The following GRAMD2A variants were observed in gnomAD, a reference collection of about 807,000 sequenced individuals.
GRAMD2A encodes the protein GRAM domain containing 2A.
GRAMD2A carries 37 observed loss-of-function variants against 51.1 expected under a neutral mutation model. That is an observed-to-expected ratio of 0.72 (90% CI 0.56 to 0.95). The LOEUF is 0.95. Ranked by LOEUF, GRAMD2A falls within the 40% of genes least tolerant of loss-of-function variation. GRAMD2A has a pLI of 0.00. For synonymous variants in GRAMD2A, 136 were observed against 157.1 expected (o/e 0.87, Z 1.01); for missense variants, 414 against 426.9 (o/e 0.97, Z 0.27).
intron 1 of GRAMD2A, among the ~76,000 whole-genome samples, chr15:72,177,172 TAA>T (rs34392305): frequency 6.9e-5 from 10 of 145,130 alleles, no homozygotes; most frequent in African/African-American, 1.3e-4. Context: ...TGCAGTCCTT[TAA>T]AAAAAAAAAA....
chr15:72,175,107 G>C (rs1036845766), intron 1 of GRAMD2A, among the ~76,000 whole-genome samples: 32 of 151,986 alleles, frequency 2.1e-4, no homozygotes, highest in African/African-American at 6.8e-4. Context: ...TCTCCCCACA[G>C]TTACCCAGGC....
At chr15:72,182,282 T>C (rs2081701937) in intron 1 of GRAMD2A, among the ~76,000 whole-genome samples, 1 of 151,268 alleles carries the variant, frequency 6.6e-6, no homozygotes, top group South Asian at 2.1e-4. Context: ...AGAGAATTGT[T>C]TGAGCCCGGG....
In GRAMD2A at chr15:72,160,185, A is replaced by G. The variant is rs1308671532; in HGVS notation, c.*1824T>C. On this transcript the variant is annotated 3_prime_UTR_variant, in exon 12 of 12. Transcript: ENST00000309731. ...CTTGGCACATCCACCTATAACTGGCACCTCTCATGGCCTCTGACAACCAAG... is the reference window on the plus strand; with the variant it reads ...CTTGGCACATCCACCTATAACTGGCGCCTCTCATGGCCTCTGACAACCAAG... 1 of 152,128 alleles carries G rather than the reference A, an allele frequency of 6.6e-6. No individual in the cohort carries two copies. Among genetic ancestry groups the G allele is most frequent in the African/African-American group, 2.4e-5 (1 of 41,392 alleles). 9.4% of individuals were successfully genotyped at this position (152,128 alleles called of 1,614,324 possible).
intron 1 of GRAMD2A, among the ~76,000 whole-genome samples, chr15:72,194,256 C>T (rs1234624292): frequency 6.6e-6 from 1 of 152,178 alleles, no homozygotes; most frequent in African/African-American, 2.4e-5. Context: ...AGGCTCACAC[C>T]AGATGTCAGA....
At chr15:72,182,317 A>G (rs1456371715) in intron 1 of GRAMD2A, among the ~76,000 whole-genome samples, 1 of 145,468 alleles carries the variant, frequency 6.9e-6, no homozygotes, top group Non-Finnish European at 1.5e-5. Flanking sequence ...GTGAGCCAAG[A>G]TCTTGCCACT....
rs780104093 is a variant in GRAMD2A at position 72,167,004 on chromosome 15, G to A, written c.461C>T (p.Thr154Ile). 6.2e-6 allele frequency: 10 copies of A among 1,613,288 alleles called. No homozygotes were observed. In the South Asian group the frequency reaches 9.9e-5, roughly 16 times the overall value. Residue 154 changes from threonine (T) to isoleucine (I), a missense_variant, in exon 6 of 12, where the codon ACC (threonine) becomes ATC (isoleucine). Coordinates refer to ENST00000309731, the MANE Select transcript of GRAMD2A (RefSeq NM_001012642.3). ...GCCCAGTGCACTGACCTTCTGGCTG[G>A]TGTTGGTGGTGATGGCCAGTCCATT... ...LPNGLAITTN[T>I]SQKYIFVSLL...
intron 1 of GRAMD2A, among the ~76,000 whole-genome samples, chr15:72,180,008 C>A (rs546406148): frequency 6.6e-6 from 1 of 152,238 alleles, no homozygotes; most frequent in Non-Finnish European, 1.5e-5. Context: ...GAGGCACGAC[C>A]CAACTTCAGC....
rs895871893 is a variant in GRAMD2A, at chr15:72,190,742, G to T, written c.41+6989C>A. 8.5e-5 allele frequency among the ~76,000 whole-genome samples: 13 copies of T among 152,114 alleles called. 1 individual carries two copies. The highest frequency in any genetic ancestry group is 8.5e-4 in the Admixed American group (13 of 15,268). On this transcript the variant is annotated intron_variant, in intron 1 of 11. Transcript: ENST00000309731. ...CCTGGAACTTTGGGCAAAATTGTTG[G>T]GTCTGAACAAAGGAGTATGTTTCTG...
intron 1 of GRAMD2A, among the ~76,000 whole-genome samples, chr15:72,179,984 C>T (rs974321828): frequency 6.6e-5 from 10 of 152,238 alleles, no homozygotes; most frequent in Non-Finnish European, 1.2e-4. Flanking sequence ...CTGCCTCCCA[C>T]CACCATGGGC....
intron 1 of GRAMD2A, among the ~76,000 whole-genome samples, chr15:72,171,315 A>G (rs2081607887): frequency 6.6e-6 from 1 of 151,852 alleles, no homozygotes; most frequent in Non-Finnish European, 1.5e-5. Flanking sequence ...TTTAAAGATT[A>G]TAGAAAATAT....
At chr15:72,165,294 A>G (rs2081530091) in intron 8 of GRAMD2A, 60 bp downstream of exon 8, 9 of 1,510,402 alleles carry the variant, frequency 6.0e-6, no homozygotes, top group Non-Finnish European at 8.3e-6. Flanking sequence ...GAGGCCCAGA[A>G]GCCTCAGAGC....
intron 1 of GRAMD2A, among the ~76,000 whole-genome samples, chr15:72,178,278 C>T (rs2081669751): frequency 1.3e-5 from 2 of 152,168 alleles, no homozygotes; most frequent in African/African-American, 4.8e-5. Context: ...TGTTTAAGGC[C>T]TGGGGGCCCA....
Position 72,161,903 on chromosome 15 carries a change from G to A in GRAMD2A, c.*106C>T. On this transcript the variant is annotated 3_prime_UTR_variant, in exon 12 of 12. Coordinates refer to ENST00000309731, the MANE Select transcript of GRAMD2A (RefSeq NM_001012642.3). ...GGATCTGGAATATTTTCCTTCATAG[G>A]CAGTCTTAGCACAGCAGCAGCATAA... 2.6e-6 allele frequency: 3 copies of A among 1,154,582 alleles called. No homozygotes were observed. Among genetic ancestry groups the A allele is most frequent in the Non-Finnish European group, 3.9e-6 (3 of 761,610 alleles). The allele number at this position is 1,154,582 out of a possible 1,614,324, so 71.5% of individuals were successfully genotyped here.
At chr15:72,182,278 T>C (rs549458071) in intron 1 of GRAMD2A, among the ~76,000 whole-genome samples, 189 of 151,270 alleles carry the variant, frequency 1.2e-3, no homozygotes, top group Non-Finnish European at 6.8e-4. Flanking sequence ...GGCAAGAGAA[T>C]TGTTTGAGCC....
In GRAMD2A at chr15:72,161,776, T is replaced by A. The variant is rs1410566631; in HGVS notation, c.*233A>T. The A allele has an allele frequency of 3.7e-6, 2 of 537,102 alleles. No individual in the cohort carries two copies. Among genetic ancestry groups the A allele is most frequent in the Non-Finnish European group, 6.8e-6 (2 of 295,452 alleles). The allele number at this position is 537,102 out of a possible 1,614,324, so 33.3% of individuals were successfully genotyped here. On this transcript the variant is annotated 3_prime_UTR_variant, in exon 12 of 12. Transcript: ENST00000309731. ...ATTCCTCAGTTGGTTCCAAAAAATC[T>A]GGCTTTTTGCTTGAGTCCAAAAATT...
intron 1 of GRAMD2A, among the ~76,000 whole-genome samples, chr15:72,195,100 G>C (rs1356021056): frequency 6.6e-6 from 1 of 152,202 alleles, no homozygotes; most frequent in African/African-American, 2.4e-5. Context: ...TCCACCAAAA[G>C]ATAAGGCACA....
intron 4 of GRAMD2A, 70 bp downstream of exon 4, chr15:72,168,421 G>C: frequency 9.4e-7 from 1 of 1,059,086 alleles, no homozygotes; most frequent in Non-Finnish European, 1.5e-6. Flanking sequence ...TGCTTTGGAG[G>C]CTCCAGAGCA....
intron 1 of GRAMD2A, among the ~76,000 whole-genome samples, chr15:72,180,169 T>C (rs891943998): frequency 1.3e-5 from 2 of 152,188 alleles, no homozygotes; most frequent in African/African-American, 4.8e-5. Context: ...CGGGAAGCTT[T>C]CCTCCTGGGG....
At chr15:72,165,316 TCAGTCCAG>T (rs774282410) in intron 8 of GRAMD2A, 30 bp downstream of exon 8, 2 of 1,600,146 alleles carry the variant, frequency 1.2e-6, no homozygotes, top group South Asian at 2.2e-5. Context: ...CCAGGCACTG[TCAGTCCAG>T]CAGTCTTTGC....
Sources: allele counts gnomAD v4.1 joint callset (sites outside exome capture counted in the v4.1 genomes callset), GRCh38; gene constraint gnomAD v4.1.1; transcripts MANE v1.5; gene names NCBI Gene and HGNC (gene_info 2026-07-23, HGNC 2026-07-21).